The following MBD5 variants were observed in gnomAD, a reference collection of about 807,000 sequenced individuals.
MBD5 encodes methyl-CpG binding domain protein 5.
MBD5 carries 13 observed loss-of-function variants against 117.3 expected under a neutral mutation model. That is an observed-to-expected ratio of 0.11 (90% CI 0.07 to 0.18). MBD5 has a LOEUF of 0.18. MBD5 is among the 10% of genes least tolerant of loss of function. The probability of loss-of-function intolerance (pLI) is 1.00; values close to 1 mark genes in which losing one functional copy is unlikely to be tolerated. For missense variants in MBD5, 1,879 were observed against 2,093.8 expected (o/e 0.90, Z 2.00); for synonymous variants, 727 against 766.4 (o/e 0.95, Z 0.85).
At chr2:148,238,768 A>C (rs1008506015) in intron 3 of MBD5, among the ~76,000 whole-genome samples, 33 of 152,166 alleles carry the variant, frequency 2.2e-4, no homozygotes, top group African/African-American at 7.7e-4. Context: ...GCTTGTAGAC[A>C]TATTACTTCA....
intron 4 of MBD5, among the ~76,000 whole-genome samples, chr2:148,421,303 C>T (rs539031618): frequency 1.3e-5 from 2 of 152,290 alleles, no homozygotes; most frequent in East Asian, 1.9e-4. Flanking sequence ...GGCATCGCCT[C>T]ACCTGGGAAG....
chr2:148,399,287 A>G (rs1704838976), intron 4 of MBD5, among the ~76,000 whole-genome samples: 1 of 152,352 alleles, frequency 6.6e-6, no homozygotes, highest in East Asian at 1.9e-4. Context: ...ATCCATGAGC[A>G]TGGAATGTTC....
At chr2:148,403,327 G>GC (rs1704980363) in intron 4 of MBD5, among the ~76,000 whole-genome samples, 1 of 151,812 alleles carries the variant, frequency 6.6e-6, no homozygotes, top group South Asian at 2.1e-4. Context: ...TTACAGGCAC[G>GC]CACCACCACA....
intron 4 of MBD5, among the ~76,000 whole-genome samples, chr2:148,456,401 A>C (rs1706884772): frequency 6.6e-6 from 1 of 152,042 alleles, no homozygotes; most frequent in Admixed American, 6.6e-5. Context: ...CTATCTCCTA[A>C]TACCATCACC....
chr2:148,252,847 G>T (rs2106252853), intron 3 of MBD5, among the ~76,000 whole-genome samples: 1 of 152,290 alleles, frequency 6.6e-6, no homozygotes, highest in South Asian at 2.1e-4. Context: ...ACTGCACCCA[G>T]CCTGGAAAAT....
At chr2:148,101,580 T>A (rs1312630435) in intron 1 of MBD5, among the ~76,000 whole-genome samples, 3 of 152,204 alleles carry the variant, frequency 2.0e-5, no homozygotes, top group African/African-American at 7.2e-5. Context: ...TAAATGGACT[T>A]CAATGAACAT....
chr2:148,284,056 T>C (rs1701313589), intron 3 of MBD5, among the ~76,000 whole-genome samples: 2 of 152,238 alleles, frequency 1.3e-5, no homozygotes, highest in South Asian at 2.1e-4. Flanking sequence ...CAGATGTATT[T>C]TCCCTCTTCT....
intron 12 of MBD5, among the ~76,000 whole-genome samples, chr2:148,508,720 G>A (rs116500373): frequency 1.2e-4 from 18 of 152,278 alleles, no homozygotes; most frequent in African/African-American, 4.1e-4. Context: ...TTATAATTTG[G>A]TTAAAACCAA....
At chr2:148,352,082 A>G (rs1165654165) in intron 4 of MBD5, among the ~76,000 whole-genome samples, 1 of 151,976 alleles carries the variant, frequency 6.6e-6, no homozygotes, top group African/African-American at 2.4e-5. Flanking sequence ...AGATTTGTGT[A>G]TCTTTGCTTG....
chr2:148,471,319 T>G (rs897259452), intron 8 of MBD5: 3 of 152,132 alleles, frequency 2.0e-5, no homozygotes, highest in African/African-American at 7.2e-5. Context: ...TTATAAAAAC[T>G]GTACAGAAGC....
At chr2:148,403,791 G>A (rs184851632) in intron 4 of MBD5, among the ~76,000 whole-genome samples, 1 of 152,212 alleles carries the variant, frequency 6.6e-6, no homozygotes, top group Admixed American at 6.5e-5. Flanking sequence ...TCTGTCCCAT[G>A]TGCAGATTCA....
chr2:148,196,622 G>A (rs373615252), intron 2 of MBD5, among the ~76,000 whole-genome samples: 1 of 152,094 alleles, frequency 6.6e-6, no homozygotes, highest in African/African-American at 2.4e-5. Flanking sequence ...GTATGACTTA[G>A]TATCTTTAAA....
chr2:148,340,831 C>T (rs1338230339), intron 3 of MBD5, among the ~76,000 whole-genome samples: 1 of 88,386 alleles, frequency 1.1e-5, no homozygotes, highest in Admixed American at 1.6e-4. Flanking sequence ...TATTTTAAAC[C>T]ACACATACAC....
At chr2:148,261,007 A>AT (rs1212658127) in intron 3 of MBD5, among the ~76,000 whole-genome samples, 4 of 152,100 alleles carry the variant, frequency 2.6e-5, no homozygotes, top group African/African-American at 9.7e-5. Context: ...TGAAAGGAGT[A>AT]TTTTTTTCTG....
intron 1 of MBD5, among the ~76,000 whole-genome samples, chr2:148,162,791 G>A (rs1309454634): frequency 6.6e-6 from 1 of 152,066 alleles, no homozygotes. Flanking sequence ...AAACTAAAAT[G>A]AACCTTAATA....
chr2:148,140,818 G>A (rs1318320482), intron 1 of MBD5, among the ~76,000 whole-genome samples: 1 of 151,596 alleles, frequency 6.6e-6, no homozygotes, highest in African/African-American at 2.4e-5. Context: ...CTGGAGTGCA[G>A]GCAGTGGTGT....
intron 4 of MBD5, among the ~76,000 whole-genome samples, chr2:148,436,582 G>A (rs918200790): frequency 1.3e-5 from 2 of 151,984 alleles, no homozygotes; most frequent in Non-Finnish European, 1.5e-5. Context: ...ATGTTGGTTA[G>A]GCTGGTCTCG....
chr2:148,422,068 G>A lies in MBD5; in HGVS notation c.-556-36135G>A, dbSNP rs1030437319. 4.6e-5 allele frequency among the ~76,000 whole-genome samples: 7 copies of A among 152,218 alleles called. No individual in the cohort carries two copies. The East Asian group carries it at 1.3e-3, about 29-fold the overall frequency. On this transcript the variant is annotated intron_variant, in intron 4 of 13. Transcript: ENST00000642680. The stretch of plus-strand genomic sequence containing the variant: ...AGACAGCAGTGTATCTCCCAGCACA[G>A]CATTCGAGCTCTGATAAGGGTCAGA...
chr2:148,303,666 G>A (rs557550347), intron 3 of MBD5, among the ~76,000 whole-genome samples: 13 of 152,238 alleles, frequency 8.5e-5, no homozygotes, highest in Non-Finnish European at 1.5e-4. Flanking sequence ...AAGATCTGTC[G>A]TTTTTGTGAG....
Sources: allele counts gnomAD v4.1 joint callset (sites outside exome capture counted in the v4.1 genomes callset), GRCh38; gene constraint gnomAD v4.1.1; transcripts MANE v1.5; gene names NCBI Gene and HGNC (gene_info 2026-07-23, HGNC 2026-07-21).